ZNF292: variants seen among roughly 807,000 people sequenced by gnomAD.
ZNF292 encodes zinc finger protein 292, also known as 16 zinc-finger domain protein.
ZNF292 carries 26 observed loss-of-function variants against 217.9 expected under a neutral mutation model. The ratio of observed to expected loss-of-function variants is 0.12; its 90% confidence interval spans 0.09 to 0.17. The LOEUF (loss-of-function observed/expected upper bound fraction) is 0.17, where lower values mean the gene tolerates loss of function less well. Among genes scored for constraint, ZNF292 ranks in the 10% least tolerant of loss-of-function variants. ZNF292 has a pLI of 1.00. For missense variants in ZNF292, 2,904 were observed against 3,175.2 expected (o/e 0.91, Z 2.05); for synonymous variants, 1,257 against 1,124.1 (o/e 1.12, Z -2.37).
intron 1 of ZNF292, chr6:87,173,971 C>T (rs1771196336): frequency 3.8e-6 from 1 of 261,108 alleles, no homozygotes; most frequent in South Asian, 4.8e-5. Context: ...TGGTTCAGGG[C>T]AGAAAATAAC....
chr6:87,228,061 T>A (rs1367183639), intron 4 of ZNF292, among the ~76,000 whole-genome samples: 1 of 152,166 alleles, frequency 6.6e-6, no homozygotes, highest in Non-Finnish European at 1.5e-5. Context: ...GTCCTAACAG[T>A]ATTGTACGAA....
At chr6:87,213,567 AG>A in intron 1 of ZNF292, 1 of 153,070 alleles carries the variant, frequency 6.5e-6, no homozygotes, top group South Asian at 2.1e-4. Context: ...TTTGGCGGGA[AG>A]GATGGTTAGA....
Position 87,258,676 on chromosome 6 carries a change from G to C in ZNF292, c.5047G>C (p.Val1683Leu). 3 of 1,613,460 alleles carry C rather than the reference G, an allele frequency of 1.9e-6. No homozygotes were observed. Among genetic ancestry groups the C allele is most frequent in the Non-Finnish European group, 2.5e-6 (3 of 1,179,674 alleles). Reference sequence around the variant, plus strand: ...TCCAACTTGTGAACCTCAGAGTTTGGTGGAAAATCTAACACAGAAATTAAA... The same window carrying C: ...TCCAACTTGTGAACCTCAGAGTTTGCTGGAAAATCTAACACAGAAATTAAA... ...VIPTCEPQSLVENLTQKLNNV... is the reference protein window; with the variant it reads ...VIPTCEPQSLLENLTQKLNNV... Residue 1683 changes from valine to leucine, a missense_variant, in exon 8 of 8, where the codon GTG (valine) becomes CTG (leucine). Coordinates refer to ENST00000369577, the MANE Select transcript of ZNF292 (RefSeq NM_015021.3).
intron 1 of ZNF292, among the ~76,000 whole-genome samples, chr6:87,213,277 T>C (rs1772580852): frequency 6.6e-6 from 1 of 152,228 alleles, no homozygotes; most frequent in African/African-American, 2.4e-5. Flanking sequence ...TTAGAAATGC[T>C]TATTCCCGGT....
At chr6:87,208,425 T>C (rs916762921) in intron 1 of ZNF292, among the ~76,000 whole-genome samples, 1 of 152,132 alleles carries the variant, frequency 6.6e-6, no homozygotes, top group Non-Finnish European at 1.5e-5. Context: ...AATTTTAAAA[T>C]CTTTTTTCTC....
chr6:87,181,370 C>T (rs1240449828), intron 1 of ZNF292, among the ~76,000 whole-genome samples: 1 of 152,182 alleles, frequency 6.6e-6, no homozygotes, highest in Non-Finnish European at 1.5e-5. Flanking sequence ...TATTCAGGTG[C>T]CTCTTTCCTC....
intron 1 of ZNF292, 64 bp downstream of exon 1, chr6:87,155,823 G>T: frequency 6.8e-7 from 1 of 1,473,242 alleles, no homozygotes; most frequent in South Asian, 1.4e-5. Flanking sequence ...GCGAGCGAGC[G>T]CTAGGCGGCC....
chr6:87,236,825 T>C (rs1773928506), intron 5 of ZNF292, among the ~76,000 whole-genome samples: 1 of 152,256 alleles, frequency 6.6e-6, no homozygotes, highest in African/African-American at 2.4e-5. Context: ...TCATTTCATA[T>C]AGATCAACCT....
rs779409591 is a variant in ZNF292, at chr6:87,255,506, C to T, written c.1877C>T (p.Thr626Ile). The change falls in exon 8 of 8, where the codon ACT (threonine) becomes ATT (isoleucine). Residue 626 changes from threonine (T) to isoleucine (I), a missense_variant. Coordinates refer to ENST00000369577, the MANE Select transcript of ZNF292 (RefSeq NM_015021.3). ...TTTNENQKTN[T>I]VAKQEQRPIK... The stretch of plus-strand genomic sequence containing the variant: ...ACCAATGAAAATCAGAAGACTAATA[C>T]TGTGGCTAAACAGGAGCAGCGACCT... 5 of 1,613,302 alleles carry T rather than the reference C, an allele frequency of 3.1e-6. No individual in the cohort carries two copies. The South Asian group carries it at 5.5e-5, about 18-fold the overall frequency.
chr6:87,202,240 T>C (rs1218138390), intron 1 of ZNF292, among the ~76,000 whole-genome samples: 1 of 152,224 alleles, frequency 6.6e-6, no homozygotes, highest in African/African-American at 2.4e-5. Context: ...TAAAGTTTTA[T>C]ACTTTTTTTT....
intron 1 of ZNF292, among the ~76,000 whole-genome samples, chr6:87,201,534 G>A (rs2147919): frequency 0.63 from 95,285 of 151,954 alleles, 31,345 homozygotes; most frequent in African/African-American, 0.83. Flanking sequence ...CTTCCCGAGT[G>A]GCTGGGATTA....
rs1479157170 is a variant in ZNF292, at chr6:87,239,638, G to A, written c.742-3837G>A. 5.2e-4 allele frequency among the ~76,000 whole-genome samples: 73 copies of A among 140,550 alleles called. No homozygotes were observed. In the South Asian group the frequency reaches 0.015, roughly 29 times the overall value. 92.2% of individuals were successfully genotyped at this position (140,550 alleles called of 152,430 possible). On this transcript the variant is annotated intron_variant, in intron 5 of 7. Coordinates refer to ENST00000369577, the MANE Select transcript of ZNF292 (RefSeq NM_015021.3). The stretch of plus-strand genomic sequence containing the variant: ...GGGCTCCTCACTTCTCAGACGGGGC[G>A]GCTGCCGGGCGGAGGGGCTCCTCAC...
Position 87,261,843 on chromosome 6 carries a change from A to G in ZNF292, c.*42A>G. The G allele has an allele frequency of 7.6e-7, 1 of 1,316,696 alleles. No individual in the cohort carries two copies. The highest frequency in any genetic ancestry group is 1.0e-6 in the Non-Finnish European group (1 of 981,504). 81.6% of individuals were successfully genotyped at this position (1,316,696 alleles called of 1,614,324 possible). ...AATACATCATTTACCATTTTATTTT[A>G]AATAGGAAGCCATCAAGCATGCTAG... On this transcript the variant is annotated 3_prime_UTR_variant, in exon 8 of 8. Coordinates refer to ENST00000369577, the MANE Select transcript of ZNF292 (RefSeq NM_015021.3).
intron 1 of ZNF292, among the ~76,000 whole-genome samples, chr6:87,187,646 C>T (rs868004160): frequency 7.2e-5 from 10 of 138,828 alleles, no homozygotes; most frequent in African/African-American, 2.8e-4. Context: ...ACCCAGGTGG[C>T]GGAGGTTGCA....
intron 1 of ZNF292, among the ~76,000 whole-genome samples, chr6:87,197,604 G>T (rs748652374): frequency 4.6e-5 from 7 of 151,230 alleles, no homozygotes; most frequent in Non-Finnish European, 1.0e-4. Flanking sequence ...GAGCCTGGTG[G>T]CAGATGCCTG....
At chr6:87,175,374 CTT>C (rs1031180748) in intron 1 of ZNF292, among the ~76,000 whole-genome samples, 2 of 152,188 alleles carry the variant, frequency 1.3e-5, no homozygotes, top group African/African-American at 4.8e-5. Context: ...TGGGGTCTCA[CTT>C]TTACCCAGGA....
At position 87,256,625 on chromosome 6, in the gene ZNF292, A is replaced by T; in HGVS notation, c.2996A>T (p.His999Leu). 6.2e-7 allele frequency: 1 copy of T among 1,613,694 alleles called. No homozygotes were observed. The highest frequency in any genetic ancestry group is 1.1e-5 in the South Asian group (1 of 91,080). The stretch of plus-strand genomic sequence containing the variant: ...GAACAAGATTGCTTTAATGATGCCC[A>T]TGTTACTCAGAATTCTTTAGTAAAT... Reference protein sequence around the residue: ...RKEQDCFNDAHVTQNSLVNSE... With the variant: ...RKEQDCFNDALVTQNSLVNSE... The change falls in exon 8 of 8, where the codon CAT becomes CTT. Residue 999 changes from histidine (H) to leucine (L), a missense_variant. His to Leu is a moderately conservative substitution (Grantham distance 99). Around this residue, in one of 15 missense-constraint regions of ZNF292, gnomAD observed 687 missense variants for 623.0 expected, o/e 1.10. Transcript: ENST00000369577.
chr6:87,156,215 T>A (rs1343811824), intron 1 of ZNF292, among the ~76,000 whole-genome samples: 1 of 152,210 alleles, frequency 6.6e-6, no homozygotes, highest in African/African-American at 2.4e-5. Flanking sequence ...TTCCCCTGCT[T>A]TCATCCGTCC....
At chr6:87,242,067 G>A (rs1774318966) in intron 5 of ZNF292, among the ~76,000 whole-genome samples, 1 of 152,114 alleles carries the variant, frequency 6.6e-6, no homozygotes, top group African/African-American at 2.4e-5. Context: ...GGAAAGTTAC[G>A]ATTAATAATA....
Sources: allele counts gnomAD v4.1 joint callset (sites outside exome capture counted in the v4.1 genomes callset), GRCh38; gene constraint gnomAD v4.1.1; regional missense constraint gnomAD v4.1.1; transcripts MANE v1.5; gene names NCBI Gene and HGNC (gene_info 2026-07-23, HGNC 2026-07-21).